The following ROBO1 variants were observed in gnomAD, a reference collection of about 807,000 sequenced individuals.
The protein encoded by ROBO1 is roundabout guidance receptor 1.
In ROBO1, 149 loss-of-function variants were observed where a neutral mutation model predicts 195.9. That is an observed-to-expected ratio of 0.76 (90% CI 0.67 to 0.87). The LOEUF (loss-of-function observed/expected upper bound fraction) is 0.87. ROBO1 is among the 40% of genes least tolerant of loss of function. The pLI is 0.00. For synonymous variants in ROBO1, 816 were observed against 733.2 expected, an observed-to-expected ratio of 1.11 and a Z score of -1.82; for missense variants, 1,933 against 2,068.3, an observed-to-expected ratio of 0.93 and a Z score of 1.27.
At chr3:79,721,346 A>G (rs1702693220) in intron 1 of ROBO1, among the ~76,000 whole-genome samples, 1 of 152,082 alleles carries the variant, frequency 6.6e-6, no homozygotes, top group Non-Finnish European at 1.5e-5. Flanking sequence ...GGAAACTATG[A>G]GACTATTGTT....
chr3:79,328,432 G>T (rs746650693), intron 2 of ROBO1, among the ~76,000 whole-genome samples: 8 of 152,030 alleles, frequency 5.3e-5, no homozygotes. Context: ...AAAATAAAAT[G>T]CATTTTAAAT....
intron 4 of ROBO1, among the ~76,000 whole-genome samples, chr3:78,793,110 G>GACA (rs979381844): frequency 1.5e-5 from 2 of 129,950 alleles, no homozygotes; most frequent in Non-Finnish European, 3.2e-5. Context: ...GACAGAGTGA[G>GACA]ACAACAACAA....
chr3:78,673,114 T>A (rs1708162733), intron 10 of ROBO1, among the ~76,000 whole-genome samples: 1 of 152,084 alleles, frequency 6.6e-6, no homozygotes, highest in African/African-American at 2.4e-5. Context: ...AGTAGCTACC[T>A]TATTGGAGGG....
At chr3:79,711,925 G>A (rs548631359) in intron 1 of ROBO1, among the ~76,000 whole-genome samples, 149 of 138,228 alleles carry the variant, frequency 1.1e-3, no homozygotes, top group African/African-American at 4.2e-3. Context: ...GGGGATGGGC[G>A]GGTGGGTGGG....
rs1307185169 is a variant in ROBO1, at chr3:78,941,729, CT to C, written c.173-2803del. ...GGAGTATGTGGTACACTTGTGGGAC[CT>C]GCAAGCTGCTTAGTATGGCCTGAGT... On this transcript the variant is annotated intron_variant, in intron 3 of 30. Coordinates refer to ENST00000464233, the MANE Select transcript of ROBO1 (RefSeq NM_002941.4). 6.6e-5 allele frequency among the ~76,000 whole-genome samples: 10 copies of C among 152,268 alleles called. No homozygotes were observed. In the East Asian group the frequency reaches 1.9e-3, roughly 29 times the overall value.
intron 1 of ROBO1, among the ~76,000 whole-genome samples, chr3:79,699,658 T>G (rs909204412): frequency 2.6e-5 from 4 of 151,486 alleles, no homozygotes; most frequent in South Asian, 2.1e-4. Flanking sequence ...TGTTGTTGTT[T>G]TTTTTTCATA....
chr3:79,486,534 T>C (rs1370264717), intron 2 of ROBO1, among the ~76,000 whole-genome samples: 1 of 152,194 alleles, frequency 6.6e-6, no homozygotes, highest in Non-Finnish European at 1.5e-5. Flanking sequence ...ATGCCTACTT[T>C]TCTAATATAG....
intron 1 of ROBO1, among the ~76,000 whole-genome samples, chr3:79,665,387 A>G (rs776104065): frequency 6.6e-5 from 10 of 151,778 alleles, no homozygotes; most frequent in Non-Finnish European, 1.5e-4. Flanking sequence ...TATTCTCACA[A>G]TATCTGTATG....
chr3:79,195,746 T>G (rs1354196830), intron 2 of ROBO1, among the ~76,000 whole-genome samples: 2 of 151,464 alleles, frequency 1.3e-5, no homozygotes, highest in Non-Finnish European at 3.0e-5. Flanking sequence ...GAGAATTTAC[T>G]TCTTTGTTTT....
intron 3 of ROBO1, among the ~76,000 whole-genome samples, chr3:79,094,938 C>T (rs2079541913): frequency 1.4e-5 from 2 of 146,872 alleles, no homozygotes; most frequent in Non-Finnish European, 3.0e-5. Context: ...TCCCTCTCTC[C>T]CTCCTCTCTC....
chr3:79,541,660 A>G (rs1337181069), intron 2 of ROBO1, among the ~76,000 whole-genome samples: 1 of 151,976 alleles, frequency 6.6e-6, no homozygotes, highest in Non-Finnish European at 1.5e-5. Context: ...CCAAAATTTT[A>G]GTTGTGCTTT....
chr3:79,572,150 CAAT>C (rs1015232127), intron 2 of ROBO1, among the ~76,000 whole-genome samples: 4 of 151,376 alleles, frequency 2.6e-5, no homozygotes, highest in Admixed American at 6.6e-5. Context: ...ACTTAAAGTA[CAAT>C]AATAATAATA....
intron 2 of ROBO1, among the ~76,000 whole-genome samples, chr3:79,508,825 T>G (rs1195393020): frequency 6.6e-5 from 10 of 152,220 alleles, no homozygotes; most frequent in Admixed American, 6.5e-4. Flanking sequence ...TACACATTAT[T>G]CTCTTATTCT....
At chr3:79,291,340 C>T (rs2032234508) in intron 2 of ROBO1, among the ~76,000 whole-genome samples, 2 of 152,234 alleles carry the variant, frequency 1.3e-5, no homozygotes, top group South Asian at 4.1e-4. Context: ...GCAGTCTCCT[C>T]TTCTACCTCC....
intron 1 of ROBO1, among the ~76,000 whole-genome samples, chr3:79,660,559 C>T (rs1441867466): frequency 6.6e-6 from 1 of 152,026 alleles, no homozygotes; most frequent in South Asian, 2.1e-4. Context: ...CAACAACTGT[C>T]CCTTTACATT....
At chr3:78,886,361 C>T (rs2107319993) in intron 4 of ROBO1, among the ~76,000 whole-genome samples, 1 of 152,202 alleles carries the variant, frequency 6.6e-6, no homozygotes, top group South Asian at 2.1e-4. Context: ...CTTTGGGAGG[C>T]CGAGGCGGGT....
intron 4 of ROBO1, among the ~76,000 whole-genome samples, chr3:78,834,900 T>C (rs2032567905): frequency 1.3e-5 from 2 of 152,164 alleles, no homozygotes; most frequent in East Asian, 1.9e-4. Flanking sequence ...ATTATAGACA[T>C]AAGTATTTTT....
intron 2 of ROBO1, among the ~76,000 whole-genome samples, chr3:79,211,703 T>TGCTTCAGAGA (rs1397874923): frequency 6.6e-6 from 1 of 152,180 alleles, no homozygotes; most frequent in Non-Finnish European, 1.5e-5. Context: ...CATTTTGAGT[T>TGCTTCAGAGA]GCTTCAGAGA....
intron 2 of ROBO1, among the ~76,000 whole-genome samples, chr3:79,525,840 C>A (rs1359131331): frequency 6.6e-6 from 1 of 151,880 alleles, no homozygotes; most frequent in Non-Finnish European, 1.5e-5. Flanking sequence ...AACTCCTGAT[C>A]TCCTCGTGTT....
Sources: gnomAD v4.1 joint callset for allele counts (sites outside exome capture counted in the v4.1 genomes callset) on GRCh38, gnomAD v4.1.1 for gene constraint, MANE v1.5 for transcripts, NCBI Gene and HGNC (gene_info 2026-07-23, HGNC 2026-07-21) for gene names.